Variants in LDLRAD4 observed in about 807,000 individuals in gnomAD.
LDLRAD4 encodes the protein low-density lipoprotein receptor class A domain-containing protein 4.
Under a neutral mutation model 17.0 loss-of-function variants are expected in LDLRAD4, and 5 were observed. That is an observed-to-expected ratio of 0.29 (90% confidence interval 0.15 to 0.62). LDLRAD4 has a LOEUF of 0.62. LDLRAD4 is among the 20% of genes least tolerant of loss of function. LDLRAD4 has a pLI of 0.84. For missense variants in LDLRAD4, 340 were observed against 424.7 expected (o/e 0.80, Z 1.75); for synonymous variants, 168 against 171.8 (o/e 0.98, Z 0.17).
At chr18:13,611,761 T>G (rs1721419331) in intron 3 of LDLRAD4, 2 of 985,370 alleles carry the variant, frequency 2.0e-6, no homozygotes, top group South Asian at 9.4e-5. Flanking sequence ...GGAGAGGGAA[T>G]GAATGGGAGA....
chr18:13,372,969 C>A (rs1248499207), intron 1 of LDLRAD4, among the ~76,000 whole-genome samples: 1 of 152,236 alleles, frequency 6.6e-6, no homozygotes, highest in Non-Finnish European at 1.5e-5. Flanking sequence ...CATGTAAACT[C>A]AAAGTAAACA....
chr18:13,217,837 C>A (rs1389845289), upstream of LDLRAD4: 3 of 151,934 alleles, frequency 2.0e-5, no homozygotes, highest in African/African-American at 7.2e-5. This position sits in a 1 kb window ranked among gnomAD's most constrained non-coding sequence, Gnocchi z 4.9. Flanking sequence ...CCCCTGCAAG[C>A]CACTGAGCCG....
chr18:13,362,029 T>C (rs1339520914), intron 1 of LDLRAD4, among the ~76,000 whole-genome samples: 1 of 151,982 alleles, frequency 6.6e-6, no homozygotes, highest in Non-Finnish European at 1.5e-5. Context: ...GAAGGTTTGA[T>C]AGGAGCGTAC....
intron 3 of LDLRAD4, among the ~76,000 whole-genome samples, chr18:13,496,305 G>A (rs55938405): frequency 0.31 from 47,371 of 152,066 alleles, 8,953 homozygotes; most frequent in East Asian, 0.47. Flanking sequence ...GGCCTTACTT[G>A]CCCAGAACAA....
At chr18:13,579,757 A>G (rs192128132) in intron 3 of LDLRAD4, among the ~76,000 whole-genome samples, 91 of 152,350 alleles carry the variant, frequency 6.0e-4, no homozygotes, top group African/African-American at 2.1e-3. Flanking sequence ...GTTGCAAGTT[A>G]TCCTGGACAC....
chr18:13,595,332 T>G (rs1479946269), intron 3 of LDLRAD4, among the ~76,000 whole-genome samples: 20 of 152,240 alleles, frequency 1.3e-4, no homozygotes, highest in Admixed American at 1.3e-3. Context: ...ATATCTTTCT[T>G]AATGTAGGCT....
chr18:13,627,817 T>C (rs1008984691), intron 4 of LDLRAD4, among the ~76,000 whole-genome samples: 1 of 152,186 alleles, frequency 6.6e-6, no homozygotes, highest in Non-Finnish European at 1.5e-5. Context: ...ACCAGCAGCC[T>C]CTCTGCTGGC....
At chr18:13,611,760 A>T (rs1247803577) in intron 3 of LDLRAD4, 2 of 985,474 alleles carry the variant, frequency 2.0e-6, no homozygotes, top group African/African-American at 3.5e-5. Flanking sequence ...GGGAGAGGGA[A>T]TGAATGGGAG....
At chr18:13,432,699 A>G (rs1179694008) in intron 2 of LDLRAD4, among the ~76,000 whole-genome samples, 1 of 151,990 alleles carries the variant, frequency 6.6e-6, no homozygotes, top group East Asian at 1.9e-4. Flanking sequence ...ATTATTTTCC[A>G]TCTTCACTGA....
At chr18:13,561,980 A>G (rs1167315431) in intron 3 of LDLRAD4, 4 of 152,262 alleles carry the variant, frequency 2.6e-5, no homozygotes, top group Admixed American at 6.5e-5. Context: ...AGCATATCCA[A>G]TAACAATTAT....
intron 3 of LDLRAD4, chr18:13,616,282 G>C (rs1472704285): frequency 6.6e-6 from 1 of 151,460 alleles, no homozygotes; most frequent in East Asian, 2.0e-4. Context: ...ACACCCCCTC[G>C]TGAGCTTGAA....
intron 1 of LDLRAD4, among the ~76,000 whole-genome samples, chr18:13,369,679 C>A (rs957847397): frequency 6.6e-6 from 1 of 152,190 alleles, no homozygotes; most frequent in African/African-American, 2.4e-5. Flanking sequence ...TTGAGAGCCG[C>A]CCCTGCACTG....
At chr18:13,218,734 TC>T (rs946402338), upstream of LDLRAD4, 1 of 152,232 alleles carries the variant, frequency 6.6e-6, no homozygotes, top group African/African-American at 2.4e-5. Flanking sequence ...CGCCCGGAGC[TC>T]CCGGCATTGG....
chr18:13,498,487 G>A (rs1363229610), intron 3 of LDLRAD4, among the ~76,000 whole-genome samples: 1 of 149,252 alleles, frequency 6.7e-6, no homozygotes, highest in Non-Finnish European at 1.5e-5. Context: ...ACGTCCCGCC[G>A]TGGACACTGG....
intron 1 of LDLRAD4, among the ~76,000 whole-genome samples, chr18:13,233,481 C>T (rs2042184035): frequency 6.6e-6 from 1 of 152,132 alleles, no homozygotes; most frequent in African/African-American, 2.4e-5. Flanking sequence ...CTGTTTGTCG[C>T]TGTCTCTGGT....
intron 3 of LDLRAD4, among the ~76,000 whole-genome samples, chr18:13,500,230 G>C (rs1056135798): frequency 8.6e-5 from 13 of 150,852 alleles, no homozygotes; most frequent in African/African-American, 2.7e-4. Context: ...GGCTGGCCTG[G>C]CCCTGACGGC....
chr18:13,265,753 G>C (rs901892066), intron 1 of LDLRAD4, among the ~76,000 whole-genome samples: 2 of 152,082 alleles, frequency 1.3e-5, no homozygotes, highest in African/African-American at 4.8e-5. Context: ...TGCTTGCCTG[G>C]TGCTGAGATC....
intron 3 of LDLRAD4, among the ~76,000 whole-genome samples, chr18:13,529,383 T>C (rs1209243807): frequency 6.6e-6 from 1 of 152,238 alleles, no homozygotes; most frequent in African/African-American, 2.4e-5. Flanking sequence ...GACTGTAAGC[T>C]ACCTGGAACA....
intron 1 of LDLRAD4, among the ~76,000 whole-genome samples, chr18:13,318,416 C>T (rs1209233759): frequency 6.6e-6 from 1 of 152,080 alleles, no homozygotes; most frequent in Non-Finnish European, 1.5e-5. Flanking sequence ...TGCATGCCAC[C>T]ACACCCGGCT....
Sources: gnomAD v4.1 joint callset for allele counts (sites outside exome capture counted in the v4.1 genomes callset) on GRCh38, gnomAD v4.1.1 for gene constraint, Gnocchi (gnomAD v3.1) non-coding constraint, MANE v1.5 for transcripts, NCBI Gene and HGNC (gene_info 2026-07-23, HGNC 2026-07-21) for gene names.